The following PRPF18 variants were observed in gnomAD, a reference collection of about 807,000 sequenced individuals.
The protein encoded by PRPF18 is pre-mRNA-splicing factor 18.
Under a neutral mutation model 46.5 loss-of-function variants are expected in PRPF18, and 38 were observed. That is an observed-to-expected ratio of 0.82 (90% CI 0.63 to 1.07). The LOEUF is 1.07. Ranked by LOEUF, PRPF18 falls within the 50% of genes least tolerant of loss-of-function variation. PRPF18 has a pLI of 0.00. For synonymous variants in PRPF18, 152 were observed against 146.7 expected (o/e 1.04, Z -0.26); for missense variants, 263 against 410.0 (o/e 0.64, Z 3.10).
At chr10:13,599,468 A>G (rs2080076117) in intron 2 of PRPF18, among the ~76,000 whole-genome samples, 1 of 152,208 alleles carries the variant, frequency 6.6e-6, no homozygotes, top group Non-Finnish European at 1.5e-5. Context: ...ATGGGAAACC[A>G]CGTTTCAGTA....
chr10:13,614,667 A>T (rs912910948), intron 8 of PRPF18, among the ~76,000 whole-genome samples: 6 of 152,168 alleles, frequency 3.9e-5, no homozygotes, highest in Non-Finnish European at 7.3e-5. Flanking sequence ...ATACTCCTGA[A>T]TGGGCTCTGG....
chr10:13,606,727 C>G (rs868094050), intron 4 of PRPF18, among the ~76,000 whole-genome samples: 22 of 58,408 alleles, frequency 3.8e-4, no homozygotes, highest in Admixed American at 2.4e-4. Flanking sequence ...GAGTGAGACT[C>G]CTTCTCAAAA....
chr10:13,587,073 A>T lies in PRPF18; in HGVS notation c.-14A>T. The T allele has an allele frequency of 6.2e-7, 1 of 1,613,944 alleles. No homozygotes were observed. The highest frequency in any genetic ancestry group is 8.5e-7 in the Non-Finnish European group (1 of 1,179,798). ...GCTGGAGCGGGAAACTGGAGCTTAA[A>T]TTCTGGCGGCGAGATGGACATTCTG... On this transcript the variant is annotated 5_prime_UTR_variant, in exon 1 of 10. Transcript: ENST00000378572.
intron 9 of PRPF18, among the ~76,000 whole-genome samples, chr10:13,626,949 C>A: frequency 6.6e-6 from 1 of 152,196 alleles, no homozygotes; most frequent in Non-Finnish European, 1.5e-5. Flanking sequence ...TCCCTTCTCA[C>A]CACCTTCCTT....
At chr10:13,645,347 A>AG in the PRPF18 span, 1 of 80,456 alleles carries the variant, frequency 1.2e-5, no homozygotes, top group Non-Finnish European at 2.3e-5. Flanking sequence ...TAGAGTGAGA[A>AG]AAAAATTCCA....
chr10:13,653,480 G>C, the PRPF18 span: 1 of 152,404 alleles, frequency 6.6e-6, no homozygotes, highest in Admixed American at 6.5e-5. Flanking sequence ...GGGCAACAGA[G>C]TGAGACTCCG....
At chr10:13,642,641 A>T in the PRPF18 span, 1 of 152,244 alleles carries the variant, frequency 6.6e-6, no homozygotes, top group Non-Finnish European at 1.5e-5. Flanking sequence ...AGTTGCTTTC[A>T]TGTGGTAGAG....
chr10:13,591,464 A>G (rs538620116), intron 1 of PRPF18: 316 of 614,210 alleles, frequency 5.1e-4, no homozygotes, highest in Non-Finnish European at 8.4e-4. Context: ...AATGTAGAAC[A>G]CCAATTTGTG....
chr10:13,603,579 C>G (rs929807547), intron 3 of PRPF18, among the ~76,000 whole-genome samples: 1 of 152,032 alleles, frequency 6.6e-6, no homozygotes, highest in African/African-American at 2.4e-5. Flanking sequence ...TTTTTTCTGT[C>G]GAGGTTGTTT....
chr10:13,632,721 C>A (rs2080601265), downstream of PRPF18: 2 of 152,196 alleles, frequency 1.3e-5, no homozygotes, highest in Admixed American at 1.3e-4. Context: ...GAGAAGTTTT[C>A]CATTTCCCTG....
chr10:13,602,984 G>A (rs943575233), intron 3 of PRPF18, among the ~76,000 whole-genome samples: 1 of 152,194 alleles, frequency 6.6e-6, no homozygotes, highest in Non-Finnish European at 1.5e-5. Flanking sequence ...TGCTCGCCTC[G>A]ACCTCACAAA....
At chr10:13,635,300 G>A (rs760758911), downstream of PRPF18, among the ~76,000 whole-genome samples, 25 of 152,294 alleles carry the variant, frequency 1.6e-4, no homozygotes, top group Middle Eastern at 6.8e-3. Context: ...TATCATTGGT[G>A]GGCATTTGGG....
At chr10:13,639,315 T>G in the PRPF18 span, 2 of 152,198 alleles carry the variant, frequency 1.3e-5, no homozygotes, top group Non-Finnish European at 2.9e-5. Context: ...ATTCCTCTTG[T>G]GTTCTCTCCA....
At chr10:13,626,436 T>C (rs1252857291) in intron 9 of PRPF18, among the ~76,000 whole-genome samples, 3 of 152,340 alleles carry the variant, frequency 2.0e-5, no homozygotes, top group African/African-American at 7.2e-5. Context: ...TAATATGTTA[T>C]GTGGGTTTGC....
intron 9 of PRPF18, among the ~76,000 whole-genome samples, chr10:13,625,123 C>T (rs573976911): frequency 1.3e-5 from 2 of 152,144 alleles, no homozygotes; most frequent in Admixed American, 6.5e-5. Context: ...TGCTTGAGAC[C>T]GGGAGTTCTA....
At chr10:13,590,451 AAATATAT>A (rs895964962) in intron 1 of PRPF18, among the ~76,000 whole-genome samples, 49 of 136,854 alleles carry the variant, frequency 3.6e-4, no homozygotes, top group Non-Finnish European at 6.1e-4. Flanking sequence ...CAAAAAAAAA[AAATATAT>A]ATATATATAT....
At chr10:13,592,013 C>T in intron 1 of PRPF18, 1 of 699,702 alleles carries the variant, frequency 1.4e-6, no homozygotes, top group Non-Finnish European at 2.4e-6. Flanking sequence ...GAAGTTTAAC[C>T]ACCTGGGTAC....
At chr10:13,594,000 G>A (rs1025286524) in intron 1 of PRPF18, among the ~76,000 whole-genome samples, 1 of 152,210 alleles carries the variant, frequency 6.6e-6, no homozygotes, top group Non-Finnish European at 1.5e-5. Context: ...TTTTGCGCAT[G>A]CTATAGGCAT....
downstream of PRPF18, among the ~76,000 whole-genome samples, chr10:13,633,678 C>G (rs2080610078): frequency 6.6e-6 from 1 of 152,170 alleles, no homozygotes; most frequent in African/African-American, 2.4e-5. Context: ...AGCTCTGCCT[C>G]TTTCCTTTGT....
Sources: gnomAD v4.1 joint callset for allele counts (sites outside exome capture counted in the v4.1 genomes callset) on GRCh38, gnomAD v4.1.1 for gene constraint, MANE v1.5 for transcripts, NCBI Gene and HGNC (gene_info 2026-07-23, HGNC 2026-07-21) for gene names.